Variants in GNAQ observed in about 807,000 individuals in gnomAD.
GNAQ encodes the protein G protein subunit alpha q, also known as guanine nucleotide-binding protein G(q) subunit alpha.
Under a neutral mutation model 43.9 loss-of-function variants are expected in GNAQ, and 8 were observed. That is an observed-to-expected ratio of 0.18 (90% CI 0.11 to 0.33). The LOEUF (loss-of-function observed/expected upper bound fraction) is 0.33. Among genes scored for constraint, GNAQ ranks in the 10% least tolerant of loss-of-function variants. The probability of loss-of-function intolerance (pLI) is 1.00; values close to 1 mark genes in which losing one functional copy is unlikely to be tolerated. For synonymous variants in GNAQ, 155 were observed against 170.7 expected, an observed-to-expected ratio of 0.91 and a Z score of 0.71; for missense variants, 158 against 450.8, an observed-to-expected ratio of 0.35 and a Z score of 5.88.
chr9:77,844,682 T>G (rs186411355), intron 2 of GNAQ, among the ~76,000 whole-genome samples: 6 of 151,962 alleles, frequency 3.9e-5, no homozygotes, highest in Admixed American at 3.9e-4. Flanking sequence ...ATTTTGTTAT[T>G]TTTTTTTGAG....
intron 2 of GNAQ, among the ~76,000 whole-genome samples, chr9:77,889,959 A>G (rs1828374735): frequency 6.6e-6 from 1 of 152,226 alleles, no homozygotes; most frequent in South Asian, 2.1e-4. Context: ...ACATGCAAAC[A>G]TTCTATAATA....
rs574436710 is a variant in GNAQ at position 77,876,972 on chromosome 9, C to T, written c.321+45189G>A. Among the ~76,000 whole-genome samples, 8 of 152,070 alleles carry T rather than the reference C, an allele frequency of 5.3e-5. No homozygotes were observed. The East Asian group carries it at 1.4e-3, about 26-fold the overall frequency. On this transcript the variant is annotated intron_variant, in intron 2 of 6. Transcript: ENST00000286548. ...AGGAAAAATCAATTAAAACAGACGG[C>T]CATATCTATTATTATCATCAATTAA...
intron 1 of GNAQ, among the ~76,000 whole-genome samples, chr9:77,982,618 AG>A (rs1001044621): frequency 2.2e-4 from 33 of 152,264 alleles, no homozygotes; most frequent in African/African-American, 7.7e-4. Flanking sequence ...AAGTATTTAC[AG>A]CACCTGAACA....
At chr9:77,728,211 T>G (rs569941373) in intron 6 of GNAQ, among the ~76,000 whole-genome samples, 31 of 152,274 alleles carry the variant, frequency 2.0e-4, no homozygotes, top group African/African-American at 7.2e-4. Flanking sequence ...ACCAGGATGG[T>G]CTCGATCGCT....
intron 1 of GNAQ, among the ~76,000 whole-genome samples, chr9:77,985,567 A>G (rs1213112570): frequency 6.6e-6 from 1 of 152,130 alleles, no homozygotes; most frequent in Non-Finnish European, 1.5e-5. Context: ...TTTTTAGATT[A>G]GTATAATTTT....
At chr9:77,797,140 C>T (rs1455173954) in intron 4 of GNAQ, among the ~76,000 whole-genome samples, 3 of 152,024 alleles carry the variant, frequency 2.0e-5, no homozygotes, top group Non-Finnish European at 4.4e-5. Context: ...TCAAGTGATT[C>T]TCTCACCTCA....
At chr9:77,993,750 G>T (rs1285457294) in intron 1 of GNAQ, among the ~76,000 whole-genome samples, 1 of 151,868 alleles carries the variant, frequency 6.6e-6, no homozygotes, top group Non-Finnish European at 1.5e-5. Context: ...TATTATAAAG[G>T]TACTCACAAT....
At chr9:77,957,873 A>C (rs770054359) in intron 1 of GNAQ, among the ~76,000 whole-genome samples, 1 of 152,218 alleles carries the variant, frequency 6.6e-6, no homozygotes, top group Non-Finnish European at 1.5e-5. Flanking sequence ...TCTGCTGGCC[A>C]CGTGGCTTAT....
chr9:77,963,966 T>G (rs527933575), intron 1 of GNAQ, among the ~76,000 whole-genome samples: 54 of 152,334 alleles, frequency 3.5e-4, no homozygotes, highest in Non-Finnish European at 6.0e-4. Flanking sequence ...CTTGACATGG[T>G]TAAATCATCA....
chr9:77,809,572 T>C (rs1380924325), intron 3 of GNAQ, among the ~76,000 whole-genome samples: 1 of 151,718 alleles, frequency 6.6e-6, no homozygotes, highest in African/African-American at 2.4e-5. Flanking sequence ...GTTAATAAAG[T>C]AATCTACACA....
intron 5 of GNAQ, among the ~76,000 whole-genome samples, chr9:77,786,370 A>G (rs905762861): frequency 3.3e-5 from 5 of 151,968 alleles, no homozygotes; most frequent in African/African-American, 1.2e-4. Context: ...AAAAAAAAAA[A>G]AAGAAGAGTT....
At chr9:77,762,283 G>A (rs1202739687) in intron 5 of GNAQ, among the ~76,000 whole-genome samples, 165 of 116,240 alleles carry the variant, frequency 1.4e-3, no homozygotes, top group South Asian at 7.6e-3. Context: ...CAGCCGCCCC[G>A]TCCGGGAGGG....
chr9:77,909,673 C>T (rs1351623490), intron 2 of GNAQ, among the ~76,000 whole-genome samples: 1 of 145,752 alleles, frequency 6.9e-6, no homozygotes, highest in African/African-American at 2.6e-5. Flanking sequence ...TAACAAATAA[C>T]ACAAGATAGT....
intron 1 of GNAQ, among the ~76,000 whole-genome samples, chr9:77,941,021 T>C (rs1315832956): frequency 2.6e-5 from 4 of 151,858 alleles, no homozygotes; most frequent in Non-Finnish European, 4.4e-5. Flanking sequence ...AAAAGGGCAA[T>C]TGGAAAAAAA....
rs866352439 is a variant in GNAQ at position 77,779,685 on chromosome 9, A to C, written c.735+14778T>G. Reference sequence around the variant, plus strand: ...AGGTTAACTAAAAAACAAAACAAAAAAAAAAAAAAAAAAAAAGAGAAGGCA... The same window carrying C: ...AGGTTAACTAAAAAACAAAACAAAACAAAAAAAAAAAAAAAAGAGAAGGCA... On this transcript the variant is annotated intron_variant, in intron 5 of 6. Coordinates refer to ENST00000286548, the MANE Select transcript of GNAQ (RefSeq NM_002072.5). Among the ~76,000 whole-genome samples, 419 of 147,752 alleles carry C rather than the reference A, an allele frequency of 2.8e-3. 1 individual carries two copies. Among genetic ancestry groups the C allele is most frequent in the African/African-American group, 9.9e-3 (393 of 39,500 alleles).
At chr9:77,785,607 T>C (rs1826464473) in intron 5 of GNAQ, among the ~76,000 whole-genome samples, 1 of 152,224 alleles carries the variant, frequency 6.6e-6, no homozygotes, top group African/African-American at 2.4e-5. Context: ...TCAAGCTGAA[T>C]ACTTATAATC....
intron 4 of GNAQ, 49 bp downstream of exon 4, chr9:77,797,471 A>C: frequency 6.9e-7 from 1 of 1,453,772 alleles, no homozygotes; most frequent in Non-Finnish European, 9.7e-7. Context: ...TACCAAATGT[A>C]CTCAAGGCAT....
At chr9:77,810,207 C>CTATCT (rs1450672584) in intron 3 of GNAQ, among the ~76,000 whole-genome samples, 1 of 144,856 alleles carries the variant, frequency 6.9e-6, no homozygotes, top group African/African-American at 2.6e-5. Context: ...AACTGTCAAT[C>CTATCT]ATCTATCTAT....
In GNAQ at chr9:77,924,522, T is replaced by C. The variant is rs116453220; in HGVS notation, c.137-2177A>G. On this transcript the variant is annotated intron_variant, in intron 1 of 6. Transcript: ENST00000286548. ...CAGGACCTTTTTTCTCCTGGTCACC[T>C]GAGAAATTTTTATATACTTATCACT... Among the ~76,000 whole-genome samples, 778 of 152,286 alleles carry C rather than the reference T, an allele frequency of 5.1e-3. 9 individuals are homozygous for C. The highest frequency in any genetic ancestry group is 0.018 in the African/African-American group (744 of 41,546).
Sources: allele counts gnomAD v4.1 joint callset (sites outside exome capture counted in the v4.1 genomes callset), GRCh38; gene constraint gnomAD v4.1.1; transcripts MANE v1.5; gene names NCBI Gene and HGNC (gene_info 2026-07-23, HGNC 2026-07-21).